The following HVCN1 variants were observed in gnomAD, a reference collection of about 807,000 sequenced individuals.
HVCN1 encodes the protein hydrogen voltage gated channel 1, also known as voltage-gated hydrogen channel 1.
In HVCN1, 14 loss-of-function variants were observed where a neutral mutation model predicts 29.2. The observed-to-expected ratio is 0.48, with a 90% CI of 0.32 to 0.75. The LOEUF (loss-of-function observed/expected upper bound fraction) is 0.75. Among genes scored for constraint, HVCN1 ranks in the 30% least tolerant of loss-of-function variants. The probability of loss-of-function intolerance (pLI) is 0.04; values close to 1 mark genes in which losing one functional copy is unlikely to be tolerated. For synonymous variants in HVCN1, 131 were observed against 133.2 expected (o/e 0.98, Z 0.11); for missense variants, 263 against 341.8 (o/e 0.77, Z 1.82).
chr12:110,691,160 T>A (rs1270720348), upstream of HVCN1, among the ~76,000 whole-genome samples: 2 of 151,920 alleles, frequency 1.3e-5, no homozygotes, highest in African/African-American at 2.4e-5. Flanking sequence ...CCTCCCAGGT[T>A]CATGCCATTC....
chr12:110,676,444 G>T lies in HVCN1; in HGVS notation c.21+6781C>A, dbSNP rs947895724. ...TGGCATCTGGGAATTTGGACTTCTG[G>T]AAAATTCCCGCCATTCCCTGATAAG... On this transcript the variant is annotated intron_variant, in intron 3 of 7. Coordinates refer to ENST00000242607, the MANE Select transcript of HVCN1 (RefSeq NM_032369.4). The surrounding 1 kb of genome is among the most constrained non-coding windows in gnomAD (Gnocchi z 4.1). 6.6e-6 allele frequency among the ~76,000 whole-genome samples: 1 copy of T among 152,168 alleles called. No individual in the cohort carries two copies. Among genetic ancestry groups the T allele is most frequent in the African/African-American group, 2.4e-5 (1 of 41,450 alleles).
At chr12:110,651,562 A>G in intron 5 of HVCN1, 114 bp from the exon 6 acceptor site, 2 of 704,902 alleles carry the variant, frequency 2.8e-6, no homozygotes, top group East Asian at 5.4e-5. Context: ...GGACAAATCC[A>G]GATGCCCAGT....
intron 2 of HVCN1, among the ~76,000 whole-genome samples, chr12:110,699,216 C>G (rs181383533): frequency 1.3e-5 from 2 of 152,272 alleles, no homozygotes; most frequent in East Asian, 3.9e-4. Flanking sequence ...TTTGCTGGGT[C>G]TTGGCTGCAG....
intron 3 of HVCN1, among the ~76,000 whole-genome samples, chr12:110,681,592 C>T (rs1051571952): frequency 1.3e-5 from 2 of 152,352 alleles, no homozygotes; most frequent in East Asian, 3.9e-4. Context: ...ATGAAGGATA[C>T]CTGGAGCTCC....
intron 3 of HVCN1, among the ~76,000 whole-genome samples, chr12:110,681,220 T>C (rs371154985): frequency 3.3e-5 from 5 of 152,232 alleles, no homozygotes; most frequent in South Asian, 4.1e-4. Flanking sequence ...TTTTGCTTTT[T>C]TTCTTCATAG....
Position 110,649,090 on chromosome 12 carries a change from CTG to C in HVCN1, c.*318_*319del, listed in dbSNP as rs763873061. 1.2e-5 allele frequency: 7 copies of C among 605,272 alleles called. No homozygotes were observed. Among genetic ancestry groups the C allele is most frequent in the East Asian group, 7.2e-5 (2 of 27,840 alleles). The allele number at this position is 605,272 out of a possible 1,614,324, so 37.5% of individuals were successfully genotyped here. A position where few individuals can be genotyped will look rare whatever the true frequency, so the allele number is the denominator to read the frequency against. ...TTAATATACACGTGAAATTTGAAAA[CTG>C]TACATTCGGTGAGATTAAATTTTAT... On this transcript the variant is annotated 3_prime_UTR_variant, in exon 8 of 8. Coordinates refer to ENST00000242607, the MANE Select transcript of HVCN1 (RefSeq NM_032369.4).
In HVCN1 at chr12:110,649,007, G is replaced by T. The variant is rs2067643794; in HGVS notation, c.*403C>A. ...AAATAAGAGACTTTTCTAGAATGGG[G>T]TGGCAGCTAAAGTAGCTTCTTTTTC... On this transcript the variant is annotated 3_prime_UTR_variant, in exon 8 of 8. Coordinates refer to ENST00000242607, the MANE Select transcript of HVCN1 (RefSeq NM_032369.4). The T allele has an allele frequency of 2.1e-6, 1 of 465,530 alleles. No individual in the cohort carries two copies. Among genetic ancestry groups the T allele is most frequent in the African/African-American group, 2.0e-5 (1 of 49,830 alleles). 28.8% of individuals were successfully genotyped at this position (465,530 alleles called of 1,614,324 possible). A position where few individuals can be genotyped will look rare whatever the true frequency, so the allele number is the denominator to read the frequency against.
intron 3 of HVCN1, among the ~76,000 whole-genome samples, chr12:110,682,263 C>G (rs907578473): frequency 1.3e-5 from 2 of 152,206 alleles, no homozygotes; most frequent in African/African-American, 4.8e-5. Flanking sequence ...GCTGGAATTA[C>G]AGGCGTGAGC....
chr12:110,665,524 C>G (rs2068315045), intron 3 of HVCN1, among the ~76,000 whole-genome samples: 2 of 150,856 alleles, frequency 1.3e-5, no homozygotes, highest in South Asian at 4.2e-4. Flanking sequence ...CCATTGCACT[C>G]CAGCCTGGAC....
chr12:110,655,140 G>A (rs2067946827), intron 5 of HVCN1, 94 bp downstream of exon 5: 1 of 847,784 alleles, frequency 1.2e-6, no homozygotes, highest in Non-Finnish European at 2.0e-6. Context: ...GCTACTCCAA[G>A]TGGGGTGTCA....
At chr12:110,701,763 A>G (rs957992678) in intron 2 of HVCN1, among the ~76,000 whole-genome samples, 1 of 151,200 alleles carries the variant, frequency 6.6e-6, no homozygotes, top group African/African-American at 2.4e-5. Context: ...AGGCTGAGGC[A>G]GGAGAATCAC....
intron 3 of HVCN1, among the ~76,000 whole-genome samples, chr12:110,669,266 G>C (rs756326938): frequency 1.1e-4 from 16 of 151,978 alleles, no homozygotes; most frequent in South Asian, 4.1e-4. Flanking sequence ...TCCTGAACCT[G>C]GCTGGCACTC....
At chr12:110,655,190 G>A (rs754294756) in intron 5 of HVCN1, 44 bp downstream of exon 5, 1 of 1,475,706 alleles carries the variant, frequency 6.8e-7, no homozygotes, top group Non-Finnish European at 9.5e-7. Flanking sequence ...GATAACACAA[G>A]CAAAACATAT....
Position 110,651,389 on chromosome 12 carries a change from T to C in HVCN1, c.471A>G (p.Lys157=). 1 of 1,613,862 alleles carries C rather than the reference T, an allele frequency of 6.2e-7. No individual in the cohort carries two copies. The highest frequency in any genetic ancestry group is 1.1e-5 in the South Asian group (1 of 91,064). The change falls in exon 6 of 8, where the codon AAA becomes AAG. Residue 157 remains lysine, a synonymous_variant. Coordinates refer to ENST00000242607, the MANE Select transcript of HVCN1 (RefSeq NM_032369.4). The part of the protein sequence containing the change: ...LVFFMMEIIF[K]LFVFRLEFFH... The stretch of plus-strand genomic sequence containing the variant: ...AGAACTCCAGGCGGAAGACAAATAA[T>C]TTAAAGATGATCTCCATCATAAAAA...
At chr12:110,690,679 T>C (rs571966500), upstream of HVCN1, among the ~76,000 whole-genome samples, 2 of 152,102 alleles carry the variant, frequency 1.3e-5, no homozygotes, top group South Asian at 2.1e-4. Context: ...GGTTTTACCA[T>C]GTGGGTCAGA....
Position 110,674,706 on chromosome 12 carries a change from C to T in HVCN1, c.21+8519G>A, listed in dbSNP as rs993025249. Among the ~76,000 whole-genome samples the T allele has an allele frequency of 3.3e-5, 5 of 152,262 alleles. No homozygotes were observed. In the South Asian group the frequency reaches 8.3e-4, roughly 25 times the overall value. ...CTTCTCTCTCATCACCTCTTGCTGC[C>T]ACCATGTAAGTGCTTTTCGTCTCCT... On this transcript the variant is annotated intron_variant, in intron 3 of 7. Transcript: ENST00000242607.
chr12:110,700,382 C>G (rs543312984), intron 2 of HVCN1, among the ~76,000 whole-genome samples: 1 of 152,076 alleles, frequency 6.6e-6, no homozygotes, highest in Non-Finnish European at 1.5e-5. Flanking sequence ...CCAGAGGAGG[C>G]CTTTGGGGCA....
At chr12:110,686,471 A>ACT (rs2069189012) in intron 2 of HVCN1, among the ~76,000 whole-genome samples, 1 of 152,108 alleles carries the variant, frequency 6.6e-6, no homozygotes, top group Admixed American at 6.5e-5. Context: ...ATGTCCCTAT[A>ACT]CCAGCCCCCT....
chr12:110,684,300 A>G (rs1019721796), intron 2 of HVCN1, among the ~76,000 whole-genome samples: 1 of 66,502 alleles, frequency 1.5e-5, no homozygotes, highest in Non-Finnish European at 3.5e-5. Context: ...TGTGAAATGT[A>G]CTTAAATGCC....
Sources: allele counts gnomAD v4.1 joint callset (sites outside exome capture counted in the v4.1 genomes callset), GRCh38; gene constraint gnomAD v4.1.1; non-coding constraint Gnocchi (gnomAD v3.1); transcripts MANE v1.5; gene names NCBI Gene and HGNC (gene_info 2026-07-23, HGNC 2026-07-21).